PALM2AKAP2: variants seen among roughly 807,000 people sequenced by gnomAD.
The protein encoded by PALM2AKAP2 is PALM2 and AKAP2 fusion, also known as PALM2-AKAP2 fusion protein.
Under a neutral mutation model 71.5 loss-of-function variants are expected in PALM2AKAP2, and 37 were observed. The observed-to-expected ratio is 0.52, with a 90% CI of 0.40 to 0.68. The LOEUF is 0.68. Ranked by LOEUF, PALM2AKAP2 falls within the 30% of genes least tolerant of loss-of-function variation. The pLI is 0.00. For synonymous variants in PALM2AKAP2, 468 were observed against 478.8 expected (o/e 0.98, Z 0.29); for missense variants, 1,224 against 1,191.8 (o/e 1.03, Z -0.40).
At chr9:109,871,241 C>T (rs1427046987) in intron 2 of PALM2AKAP2, among the ~76,000 whole-genome samples, 1 of 152,176 alleles carries the variant, frequency 6.6e-6, no homozygotes, top group African/African-American at 2.4e-5. Context: ...AATATCATCA[C>T]TTTGTATATG....
chr9:109,823,849 A>C (rs1828074701), intron 1 of PALM2AKAP2, among the ~76,000 whole-genome samples: 1 of 152,208 alleles, frequency 6.6e-6, no homozygotes, highest in Non-Finnish European at 1.5e-5. Context: ...AACAGAAAGA[A>C]GTATTTTGCT....
chr9:109,862,559 T>G (rs1217330247), intron 1 of PALM2AKAP2, among the ~76,000 whole-genome samples: 3 of 152,234 alleles, frequency 2.0e-5, no homozygotes, highest in African/African-American at 7.2e-5. Flanking sequence ...CTGGTGTTTC[T>G]CAGTTCACTT....
chr9:109,922,544 G>A (rs1412285931), intron 3 of PALM2AKAP2, among the ~76,000 whole-genome samples: 1 of 148,764 alleles, frequency 6.7e-6, no homozygotes, highest in Non-Finnish European at 1.5e-5. Flanking sequence ...AGAGGGGAAA[G>A]AGACCAAAAG....
intron 1 of PALM2AKAP2, among the ~76,000 whole-genome samples, chr9:109,846,664 C>A (rs1828867221): frequency 6.6e-6 from 1 of 152,204 alleles, no homozygotes; most frequent in Non-Finnish European, 1.5e-5. Context: ...TGCAGTCTTC[C>A]TGGTAGTGTT....
At chr9:109,996,544 C>CT (rs1832579060) in intron 6 of PALM2AKAP2, among the ~76,000 whole-genome samples, 1 of 152,206 alleles carries the variant, frequency 6.6e-6, no homozygotes, top group Non-Finnish European at 1.5e-5. Flanking sequence ...TACCATGATC[C>CT]TTTTTTGCTC....
chr9:110,021,761 T>C (rs1394661540), intron 7 of PALM2AKAP2, among the ~76,000 whole-genome samples: 1 of 147,756 alleles, frequency 6.8e-6, no homozygotes. Flanking sequence ...AAAAAACAGG[T>C]ATGGATCAGT....
intron 2 of PALM2AKAP2, among the ~76,000 whole-genome samples, chr9:110,141,500 C>T (rs561650409): frequency 2.0e-5 from 3 of 152,188 alleles, no homozygotes; most frequent in African/African-American, 4.8e-5. Context: ...CAATTTTCTT[C>T]CTGTTCATGC....
intron 6 of PALM2AKAP2, among the ~76,000 whole-genome samples, chr9:109,999,574 C>T (rs1432500278): frequency 1.3e-5 from 2 of 152,146 alleles, no homozygotes; most frequent in Admixed American, 6.5e-5. Context: ...AAGCTCCTGT[C>T]GCCCAAAACT....
chr9:109,940,999 A>G (rs1588022911), intron 6 of PALM2AKAP2, among the ~76,000 whole-genome samples: 1 of 152,076 alleles, frequency 6.6e-6, no homozygotes, highest in East Asian at 1.9e-4. Context: ...GACTTTGTGG[A>G]CCATATAGTC....
chr9:110,000,499 A>G (rs550898218), intron 6 of PALM2AKAP2, among the ~76,000 whole-genome samples: 1 of 152,358 alleles, frequency 6.6e-6, no homozygotes, highest in Admixed American at 6.5e-5. Context: ...TTATAGCAGC[A>G]TGATTTCTAA....
chr9:110,151,928 A>G (rs530119830), intron 2 of PALM2AKAP2, among the ~76,000 whole-genome samples: 1 of 152,238 alleles, frequency 6.6e-6, no homozygotes, highest in East Asian at 1.9e-4. Context: ...AAGGATAGTG[A>G]CCGATGTCCT....
At chr9:109,815,790 A>G (rs1256633022) in intron 1 of PALM2AKAP2, among the ~76,000 whole-genome samples, 2 of 152,174 alleles carry the variant, frequency 1.3e-5, no homozygotes, top group African/African-American at 4.8e-5. Flanking sequence ...TGTGAAGGAA[A>G]GAAGAGAAGT....
intron 6 of PALM2AKAP2, among the ~76,000 whole-genome samples, chr9:109,997,883 A>C (rs1304143535): frequency 3.9e-5 from 6 of 152,242 alleles, no homozygotes; most frequent in African/African-American, 1.4e-4. Context: ...CCATCAGCTT[A>C]TCCTGGGGTG....
rs141110365 is a variant in PALM2AKAP2, at chr9:109,904,909, G to A, written c.258-18826G>A. ...GGCATTGTTTTTCTTTGGACGTTATGCAAGCCACTTCTGTGCTGTAAAAGG... is the reference window on the plus strand; with the variant it reads ...GGCATTGTTTTTCTTTGGACGTTATACAAGCCACTTCTGTGCTGTAAAAGG... On this transcript the variant is annotated intron_variant, in intron 3 of 9. Transcript: ENST00000302798. 5.3e-3 allele frequency among the ~76,000 whole-genome samples: 804 copies of A among 152,284 alleles called. 14 individuals are homozygous for A. The highest frequency in any genetic ancestry group is 3.4e-3 in the Middle Eastern group (1 of 294).
At chr9:110,023,643 G>A (rs1410609626) in intron 7 of PALM2AKAP2, among the ~76,000 whole-genome samples, 2 of 151,530 alleles carry the variant, frequency 1.3e-5, no homozygotes, top group Non-Finnish European at 2.9e-5. Flanking sequence ...AGCATTGCTT[G>A]TTTCACATTC....
intron 1 of PALM2AKAP2, among the ~76,000 whole-genome samples, chr9:110,093,698 G>A (rs915435121): frequency 6.6e-5 from 10 of 152,128 alleles, no homozygotes; most frequent in African/African-American, 2.2e-4. Context: ...CCCTGCTGCT[G>A]CCTTGCACCT....
At chr9:110,096,348 C>T (rs1342230602) in intron 1 of PALM2AKAP2, among the ~76,000 whole-genome samples, 3 of 152,070 alleles carry the variant, frequency 2.0e-5, no homozygotes, top group African/African-American at 7.3e-5. Flanking sequence ...ACTGTAGCTT[C>T]AACCTCCTGG....
chr9:110,020,601 T>G (rs1416087873), intron 7 of PALM2AKAP2, among the ~76,000 whole-genome samples: 1 of 151,952 alleles, frequency 6.6e-6, no homozygotes, highest in Non-Finnish European at 1.5e-5. Context: ...GAGAATTGCT[T>G]AAACCCAGGA....
chr9:109,750,271 C>T (rs1828865848), intron 1 of PALM2AKAP2, among the ~76,000 whole-genome samples: 1 of 152,094 alleles, frequency 6.6e-6, no homozygotes, highest in South Asian at 2.1e-4. Context: ...AAATTAGTTC[C>T]AATATGGTGG....
Sources: gnomAD v4.1 joint callset for allele counts (sites outside exome capture counted in the v4.1 genomes callset) on GRCh38, gnomAD v4.1.1 for gene constraint, MANE v1.5 for transcripts, NCBI Gene and HGNC (gene_info 2026-07-23, HGNC 2026-07-21) for gene names.